The following LVRN variants were observed in gnomAD, a reference collection of about 807,000 sequenced individuals.
LVRN encodes the protein laeverin.
In LVRN, 99 loss-of-function variants were observed where a neutral mutation model predicts 111.4. The observed-to-expected ratio is 0.89, with a 90% CI of 0.76 to 1.05. The LOEUF is 1.05. Ranked by LOEUF, LVRN falls within the 50% of genes least tolerant of loss-of-function variation. LVRN has a pLI of 0.00. For synonymous variants in LVRN, 488 were observed against 449.5 expected, an observed-to-expected ratio of 1.09 and a Z score of -1.08; for missense variants, 1,414 against 1,206.8, an observed-to-expected ratio of 1.17 and a Z score of -2.54.
intron 3 of LVRN, among the ~76,000 whole-genome samples, chr5:115,986,527 A>G (rs1190901484): frequency 6.6e-6 from 1 of 152,192 alleles, no homozygotes; most frequent in Non-Finnish European, 1.5e-5. Context: ...CTTAGCCAGC[A>G]CACTGAAGTT....
At chr5:116,024,297 G>A (rs564499412) in intron 19 of LVRN, among the ~76,000 whole-genome samples, 1 of 152,156 alleles carries the variant, frequency 6.6e-6, no homozygotes, top group South Asian at 2.1e-4. Context: ...AGAACAAGAA[G>A]AGCCTTTGTA....
intron 14 of LVRN, among the ~76,000 whole-genome samples, chr5:116,011,322 T>G (rs78217292): frequency 0.023 from 3,459 of 152,068 alleles, 134 homozygotes; most frequent in African/African-American, 0.079. Flanking sequence ...GAACAGCACT[T>G]AAATCCAGAG....
chr5:115,962,744 G>T lies in LVRN; in HGVS notation c.127G>T (p.Val43Phe). Residue 43 changes from valine to phenylalanine, a missense_variant, in exon 1 of 20, where the codon GTC becomes TTC. Physicochemically the swap from Val to Phe is conservative, Grantham distance 50. Coordinates refer to ENST00000357872, the MANE Select transcript of LVRN (RefSeq NM_173800.5). ...CGCCTTGTACGGCCACTGCGAGCGC[G>T]TCCCACCGTCGGAGCTGCCTGGACT... ...LAALYGHCER[V>F]PPSELPGLRD... 1 of 1,612,122 alleles carries T rather than the reference G, an allele frequency of 6.2e-7. No homozygotes were observed. The highest frequency in any genetic ancestry group is 8.5e-7 in the Non-Finnish European group (1 of 1,179,512).
At chr5:116,004,321 AT>A (rs1459043990) in intron 12 of LVRN, among the ~76,000 whole-genome samples, 2 of 152,204 alleles carry the variant, frequency 1.3e-5, no homozygotes, top group African/African-American at 2.4e-5. Context: ...CTAAATTTCC[AT>A]GAGTGGAGCT....
rs1377455124 is a variant in LVRN at position 116,015,785 on chromosome 5, C to G, written c.2756+20C>G. 6.2e-7 allele frequency: 1 copy of G among 1,610,782 alleles called. No individual in the cohort carries two copies. Among genetic ancestry groups the G allele is most frequent in the Non-Finnish European group, 8.5e-7 (1 of 1,178,428 alleles). ...TAAAAGGTAAGAAGGAAAGTGAGAC[C>G]TTTCTTTCATTTAGGCCACTGGTTT... On this transcript the variant is annotated intron_variant, in intron 18 of 19. Transcript: ENST00000357872.
intron 13 of LVRN, 26 bp downstream of exon 13, chr5:116,005,993 T>C (rs756584329): frequency 1.3e-6 from 2 of 1,543,380 alleles, no homozygotes; most frequent in Admixed American, 3.4e-5. Flanking sequence ...TCTCTCATGG[T>C]TTCAGAATAT....
At chr5:115,979,790 C>A (rs956696752) in intron 1 of LVRN, among the ~76,000 whole-genome samples, 1 of 152,132 alleles carries the variant, frequency 6.6e-6, no homozygotes, top group Non-Finnish European at 1.5e-5. Context: ...TGTGGGAGGA[C>A]AACTTGCCTA....
intron 6 of LVRN, among the ~76,000 whole-genome samples, chr5:115,999,532 C>G (rs867189426): frequency 6.6e-6 from 1 of 152,096 alleles, no homozygotes; most frequent in Non-Finnish European, 1.5e-5. Flanking sequence ...TTGTAATTGA[C>G]TTTTTAAAAA....
intron 1 of LVRN, among the ~76,000 whole-genome samples, chr5:115,970,888 A>G (rs1477360683): frequency 6.6e-6 from 1 of 152,180 alleles, no homozygotes; most frequent in African/African-American, 2.4e-5. Context: ...AATACCTAAG[A>G]GTGGAGTGGT....
In LVRN at chr5:116,022,394, T is replaced by A; in HGVS notation, c.2760T>A (p.Tyr920Ter). 2 of 1,578,900 alleles carry A rather than the reference T, an allele frequency of 1.3e-6. No individual in the cohort carries two copies. The highest frequency in any genetic ancestry group is 1.7e-6 in the Non-Finnish European group (2 of 1,154,800). Residue 920 changes from tyrosine to a stop codon, truncating the protein, a stop_gained, in exon 19 of 20, where the codon TAT (tyrosine) becomes TAA (stop). Coordinates refer to ENST00000357872, the MANE Select transcript of LVRN (RefSeq NM_173800.5). LOFTEE classifies it high-confidence loss of function. ...TTAACATCTTATTGCCTTGTAGGTATGGAACACAATCATTGATTAATCTAA... is the reference window on the plus strand; with the variant it reads ...TTAACATCTTATTGCCTTGTAGGTAAGGAACACAATCATTGATTAATCTAA... ...VNNWQAVSKRYGTQSLINLIY... is the reference protein window; with the variant it reads ...VNNWQAVSKR
intron 13 of LVRN, among the ~76,000 whole-genome samples, chr5:116,007,464 C>A (rs1013251143): frequency 6.6e-6 from 1 of 152,202 alleles, no homozygotes; most frequent in African/African-American, 2.4e-5. Context: ...TCCTTCACTG[C>A]TCTTCTCAAG....
At chr5:115,978,710 C>T (rs752219230) in intron 1 of LVRN, among the ~76,000 whole-genome samples, 12 of 152,158 alleles carry the variant, frequency 7.9e-5, no homozygotes, top group African/African-American at 2.2e-4. Context: ...TGGAAGCCTG[C>T]ATTAAGGTAC....
At chr5:116,010,677 G>C in intron 13 of LVRN, 64 bp from the exon 14 acceptor site, 1 of 1,512,002 alleles carries the variant, frequency 6.6e-7, no homozygotes, top group South Asian at 1.2e-5. Context: ...AACAAATATC[G>C]AACGTATGCA....
chr5:115,999,184 G>T (rs1283100673), intron 6 of LVRN, among the ~76,000 whole-genome samples: 1 of 152,168 alleles, frequency 6.6e-6, no homozygotes, highest in Non-Finnish European at 1.5e-5. Flanking sequence ...CTTATCATGT[G>T]TCTGAGAGAG....
chr5:115,998,996 A>G (rs550136018), intron 6 of LVRN, among the ~76,000 whole-genome samples: 16 of 152,304 alleles, frequency 1.1e-4, no homozygotes, highest in South Asian at 1.0e-3. Context: ...GCAGATCCCA[A>G]AGATAGTCAG....
chr5:115,963,243 C>T lies in LVRN; in HGVS notation c.626C>T (p.Ser209Leu). 6.2e-7 allele frequency: 1 copy of T among 1,612,804 alleles called. No individual in the cohort carries two copies. The highest frequency in any genetic ancestry group is 8.5e-7 in the Non-Finnish European group (1 of 1,179,912). Residue 209 changes from serine (S) to leucine (L), a missense_variant, in exon 1 of 20, where the codon TCG (serine) becomes TTG (leucine). Physicochemically the swap from Ser to Leu is moderately radical, Grantham distance 145. Transcript: ENST00000357872. The part of the protein sequence containing the change: ...GSSYELQLSF[S>L]GLVKEDLREG... The stretch of plus-strand genomic sequence containing the variant: ...AGCTACGAGCTGCAGCTTAGCTTCT[C>T]GGGCCTGGTGAAGGAAGACCTCAGG...
In LVRN at chr5:115,962,754, C is replaced by G; in HGVS notation, c.137C>G (p.Ser46Trp). ...LYGHCERVPP[S>W]ELPGLRDLEA... ...GGCCACTGCGAGCGCGTCCCACCGT[C>G]GGAGCTGCCTGGACTCAGGGACTTG... Residue 46 changes from serine to tryptophan, a missense_variant, in exon 1 of 20, where the codon TCG becomes TGG. Physicochemically the swap from Ser to Trp is radical, Grantham distance 177. Transcript: ENST00000357872. The G allele has an allele frequency of 6.2e-7, 1 of 1,611,932 alleles. No homozygotes were observed. The highest frequency in any genetic ancestry group is 1.3e-5 in the African/African-American group (1 of 74,920).
intron 6 of LVRN, among the ~76,000 whole-genome samples, chr5:115,994,064 T>C (rs887315729): frequency 6.6e-6 from 1 of 152,128 alleles, no homozygotes; most frequent in Non-Finnish European, 1.5e-5. Context: ...GGGAATTACA[T>C]AAAATTTTGT....
At chr5:115,970,986 C>A (rs1753313209) in intron 1 of LVRN, among the ~76,000 whole-genome samples, 1 of 152,156 alleles carries the variant, frequency 6.6e-6, no homozygotes, top group African/African-American at 2.4e-5. Flanking sequence ...CAACGTATGG[C>A]AGAATTCTAG....
Sources: gnomAD v4.1 joint callset for allele counts (sites outside exome capture counted in the v4.1 genomes callset) on GRCh38, gnomAD v4.1.1 for gene constraint, MANE v1.5 for transcripts, NCBI Gene and HGNC (gene_info 2026-07-23, HGNC 2026-07-21) for gene names.